HS6ST1: variants seen among roughly 807,000 people sequenced by gnomAD.
The protein encoded by HS6ST1 is heparan sulfate 6-O-sulfotransferase 1, also known as heparan-sulfate 6-O-sulfotransferase 1.
A neutral mutation model predicts 25.2 loss-of-function variants in HS6ST1; 3 were observed. The observed-to-expected ratio is 0.12, with a 90% CI of 0.05 to 0.31. The LOEUF (loss-of-function observed/expected upper bound fraction) is 0.31. Among genes scored for constraint, HS6ST1 ranks in the 10% least tolerant of loss-of-function variants. HS6ST1 has a pLI of 1.00. For missense variants in HS6ST1, 310 were observed against 609.6 expected, an observed-to-expected ratio of 0.51 and a Z score of 5.18; for synonymous variants, 204 against 275.1, an observed-to-expected ratio of 0.74 and a Z score of 2.56.
chr2:128,279,330 C>CTTTTT (rs61670210), intron 1 of HS6ST1, among the ~76,000 whole-genome samples: 2 of 124,722 alleles, frequency 1.6e-5, no homozygotes, highest in African/African-American at 6.3e-5. Flanking sequence ...ATGACAGAAC[C>CTTTTT]TTTTTTTTTT....
rs76684682 is a variant in HS6ST1, at chr2:128,274,615, C to T, written c.528-5745G>A. 9.4e-3 allele frequency among the ~76,000 whole-genome samples: 1,436 copies of T among 152,238 alleles called. 27 individuals are homozygous for T. The highest frequency in any genetic ancestry group is 0.033 in the African/African-American group (1,375 of 41,538). On this transcript the variant is annotated intron_variant, in intron 1 of 1. Coordinates refer to ENST00000259241, the MANE Select transcript of HS6ST1 (RefSeq NM_004807.3). The stretch of plus-strand genomic sequence containing the variant: ...AAGCCAGGAGCTCCAACCCAGGGGA[C>T]GGTTCCAGGATGTCAGCAAAACATC...
intron 1 of HS6ST1, among the ~76,000 whole-genome samples, chr2:128,282,640 G>A (rs1693805329): frequency 6.6e-6 from 1 of 152,224 alleles, no homozygotes; most frequent in Non-Finnish European, 1.5e-5. Flanking sequence ...GGCAGGAAGT[G>A]GCAGGGTGGG....
At position 128,267,939 on chromosome 2, in the gene HS6ST1, G is replaced by C; in HGVS notation, c.*223C>G. 2 of 600,458 alleles carry C rather than the reference G, an allele frequency of 3.3e-6. No individual in the cohort carries two copies. The highest frequency in any genetic ancestry group is 5.9e-6 in the Non-Finnish European group (2 of 337,636). The allele number at this position is 600,458 out of a possible 1,614,324, so 37.2% of individuals were successfully genotyped here. On this transcript the variant is annotated 3_prime_UTR_variant, in exon 2 of 2. Transcript: ENST00000259241. ...CCCTGCCCTGACCATGGCATCCTTC[G>C]AGCACGCTTTCCTCTGACCCACTGG...
intron 1 of HS6ST1, among the ~76,000 whole-genome samples, chr2:128,292,120 G>C (rs1480456690): frequency 6.6e-6 from 1 of 152,220 alleles, no homozygotes; most frequent in African/African-American, 2.4e-5. Context: ...CTGAGGCCGG[G>C]GGGGCTGGGC....
At chr2:128,315,183 C>T (rs369768280) in intron 1 of HS6ST1, among the ~76,000 whole-genome samples, 27 of 152,216 alleles carry the variant, frequency 1.8e-4, no homozygotes, top group Admixed American at 3.9e-4. Flanking sequence ...AACAGGGACC[C>T]GCCAATGCTC....
At position 128,318,407 on chromosome 2, in the gene HS6ST1, C is replaced by T. The variant is rs775010835; in HGVS notation, c.157G>A (p.Asp53Asn). 1.4e-5 allele frequency: 22 copies of T among 1,603,188 alleles called. No individual in the cohort carries two copies. The highest frequency in any genetic ancestry group is 5.1e-6 in the Non-Finnish European group (6 of 1,175,958). ...GAPGGRAPPD[D>N]LDLFPTPDPH... ...TCGGGTGTGGGGAACAGGTCCAGGT[C>T]GTCGGGCGGCGCGCGGCCGCCGGGC... The change falls in exon 1 of 2, where the codon GAC (aspartate) becomes AAC (asparagine). Residue 53 changes from aspartate to asparagine, a missense_variant. Physicochemically the swap from Asp to Asn is conservative, Grantham distance 23. Coordinates refer to ENST00000259241, the MANE Select transcript of HS6ST1 (RefSeq NM_004807.3). This position sits in a 1 kb window ranked among gnomAD's most constrained non-coding sequence, Gnocchi z 5.7.
chr2:128,283,513 G>A (rs1693815974), intron 1 of HS6ST1, among the ~76,000 whole-genome samples: 1 of 152,238 alleles, frequency 6.6e-6, no homozygotes, highest in Non-Finnish European at 1.5e-5. Flanking sequence ...CCAGGGAGGT[G>A]TCCATGGAGG....
intron 1 of HS6ST1, among the ~76,000 whole-genome samples, chr2:128,312,905 T>C (rs867928909): frequency 6.6e-6 from 1 of 151,770 alleles, no homozygotes; most frequent in Non-Finnish European, 1.5e-5. Flanking sequence ...ACTAAAAATA[T>C]AAAAAAAATT....
chr2:128,284,554 T>C (rs368512358), intron 1 of HS6ST1, among the ~76,000 whole-genome samples: 1 of 147,046 alleles, frequency 6.8e-6, no homozygotes, highest in East Asian at 2.0e-4. Flanking sequence ...CAGGCTGGAA[T>C]GCAGTGGCGT....
At chr2:128,272,974 G>A (rs1693633383) in intron 1 of HS6ST1, among the ~76,000 whole-genome samples, 1 of 152,168 alleles carries the variant, frequency 6.6e-6, no homozygotes, top group South Asian at 2.1e-4. Flanking sequence ...ACCTGAGCCA[G>A]CGAAAGCCCT....
intron 1 of HS6ST1, among the ~76,000 whole-genome samples, chr2:128,275,138 T>A (rs141805200): frequency 1.3e-5 from 2 of 152,056 alleles, no homozygotes; most frequent in African/African-American, 4.8e-5. Context: ...TAAAAAGACA[T>A]AGCAATAATT....
chr2:128,280,893 T>C (rs965210225), intron 1 of HS6ST1, among the ~76,000 whole-genome samples: 7 of 148,062 alleles, frequency 4.7e-5, no homozygotes, highest in Non-Finnish European at 8.8e-5. Context: ...AGGCAGAGCC[T>C]GCAGCTGATG....
At chr2:128,308,121 A>G (rs1694238541) in intron 1 of HS6ST1, among the ~76,000 whole-genome samples, 1 of 152,232 alleles carries the variant, frequency 6.6e-6, no homozygotes, top group South Asian at 2.1e-4. Flanking sequence ...AGGAATACAC[A>G]CATCTACAGC....
chr2:128,284,664 T>C (rs536100939), intron 1 of HS6ST1, among the ~76,000 whole-genome samples: 4 of 152,248 alleles, frequency 2.6e-5, no homozygotes, highest in African/African-American at 9.6e-5. Context: ...ATTTTTGTAT[T>C]TTTAGTAGAG....
chr2:128,274,063 C>A (rs1173384055), intron 1 of HS6ST1, among the ~76,000 whole-genome samples: 1 of 152,218 alleles, frequency 6.6e-6, no homozygotes, highest in Non-Finnish European at 1.5e-5. Context: ...TGCACTGACA[C>A]CTGGGACCCC....
chr2:128,306,863 G>A (rs1174109229), intron 1 of HS6ST1, among the ~76,000 whole-genome samples: 1 of 152,214 alleles, frequency 6.6e-6, no homozygotes, highest in African/African-American at 2.4e-5. Context: ...GGGGAGTGAG[G>A]GCAGGGCCAG....
chr2:128,272,258 C>T (rs1293549829), intron 1 of HS6ST1, among the ~76,000 whole-genome samples: 5 of 152,234 alleles, frequency 3.3e-5, no homozygotes, highest in African/African-American at 9.6e-5. Context: ...TAGGAGGACA[C>T]GGGTATATCA....
At chr2:128,291,227 C>CTT (rs1558874804) in intron 1 of HS6ST1, among the ~76,000 whole-genome samples, 1 of 152,240 alleles carries the variant, frequency 6.6e-6, no homozygotes, top group Non-Finnish European at 1.5e-5. Flanking sequence ...AGTGAGTACC[C>CTT]CGTGCAGGCA....
intron 1 of HS6ST1, among the ~76,000 whole-genome samples, chr2:128,282,588 G>A (rs1400219763): frequency 6.6e-6 from 1 of 152,246 alleles, no homozygotes; most frequent in African/African-American, 2.4e-5. Flanking sequence ...GAGACCCCGA[G>A]GCAGGAGGGC....
Sources: gnomAD v4.1 joint callset for allele counts (sites outside exome capture counted in the v4.1 genomes callset) on GRCh38, gnomAD v4.1.1 for gene constraint, Gnocchi (gnomAD v3.1) non-coding constraint, MANE v1.5 for transcripts, NCBI Gene and HGNC (gene_info 2026-07-23, HGNC 2026-07-21) for gene names.